ZFAND3: variants seen among roughly 807,000 people sequenced by gnomAD.
The protein encoded by ZFAND3 is AN1-type zinc finger protein 3.
A neutral mutation model predicts 29.6 loss-of-function variants in ZFAND3; 10 were observed. The ratio of observed to expected loss-of-function variants is 0.34; its 90% CI spans 0.21 to 0.57. The LOEUF is 0.57. Ranked by LOEUF, ZFAND3 falls within the 20% of genes least tolerant of loss-of-function variation. ZFAND3 has a pLI of 0.86. For missense variants in ZFAND3, 230 were observed against 304.5 expected (o/e 0.76, Z 1.82); for synonymous variants, 128 against 112.6 (o/e 1.14, Z -0.87).
At chr6:37,965,758 G>A (rs147143843) in intron 2 of ZFAND3, among the ~76,000 whole-genome samples, 173 of 152,208 alleles carry the variant, frequency 1.1e-3, no homozygotes, top group African/African-American at 4.0e-3. Context: ...CTGGCAGTGT[G>A]GCCAGAAGAA....
chr6:37,902,544 T>C (rs1765337834), intron 1 of ZFAND3, among the ~76,000 whole-genome samples: 1 of 152,218 alleles, frequency 6.6e-6, no homozygotes, highest in Admixed American at 6.5e-5. Flanking sequence ...TAGTAAAAAT[T>C]ATAAAAGAAA....
chr6:37,879,048 AG>A (rs1242794672), intron 1 of ZFAND3, among the ~76,000 whole-genome samples: 2 of 152,230 alleles, frequency 1.3e-5, no homozygotes, highest in East Asian at 3.8e-4. Context: ...TCAGAGGAAG[AG>A]CCCCTTATCC....
At chr6:37,855,514 G>A (rs35216205) in intron 1 of ZFAND3, among the ~76,000 whole-genome samples, 33,142 of 151,870 alleles carry the variant, frequency 0.22, 4,525 homozygotes, top group African/African-American at 0.38. Flanking sequence ...ATATTCTTTG[G>A]CAGAGGTTTG....
chr6:37,875,633 T>C (rs1165966219), intron 1 of ZFAND3, among the ~76,000 whole-genome samples: 1 of 139,290 alleles, frequency 7.2e-6, no homozygotes, highest in African/African-American at 3.1e-5. Flanking sequence ...TTAATTTCTG[T>C]ATTTTTTTTT....
intron 2 of ZFAND3, among the ~76,000 whole-genome samples, chr6:38,044,949 T>C (rs1763867123): frequency 6.6e-6 from 1 of 152,156 alleles, no homozygotes; most frequent in South Asian, 2.1e-4. Flanking sequence ...GATTTTTGTC[T>C]GTGGTTTTTC....
intron 2 of ZFAND3, among the ~76,000 whole-genome samples, chr6:37,988,290 A>G (rs897317860): frequency 5.9e-5 from 9 of 152,196 alleles, no homozygotes; most frequent in African/African-American, 1.9e-4. Context: ...ATGAACTTCA[A>G]TGCTGCTTTC....
chr6:38,142,279 G>T, intron 5 of ZFAND3: 1 of 471,550 alleles, frequency 2.1e-6, no homozygotes. Context: ...GGAGAGAGAT[G>T]TGTGGCATTT....
intron 2 of ZFAND3, among the ~76,000 whole-genome samples, chr6:38,019,082 C>T (rs1020376776): frequency 6.6e-6 from 1 of 152,102 alleles, no homozygotes; most frequent in Non-Finnish European, 1.5e-5. Flanking sequence ...GTCTCAGCCT[C>T]CCAAGTAGCT....
intron 5 of ZFAND3, among the ~76,000 whole-genome samples, chr6:38,133,211 GTC>G (rs1765775686): frequency 6.6e-6 from 1 of 152,188 alleles, no homozygotes; most frequent in Non-Finnish European, 1.5e-5. Flanking sequence ...TATTGAAATT[GTC>G]TGTTTACATG....
Position 37,974,403 on chromosome 6 carries a change from T to C in ZFAND3, c.112+44404T>C, listed in dbSNP as rs1443925878. On this transcript the variant is annotated intron_variant, in intron 2 of 5. Coordinates refer to ENST00000287218, the MANE Select transcript of ZFAND3 (RefSeq NM_021943.3). ...TATATACTCTCTCTCTCTCTCTCTCTTTTTTTTTTTTTTTTTTTGGAGACA... is the reference window on the plus strand; with the variant it reads ...TATATACTCTCTCTCTCTCTCTCTCCTTTTTTTTTTTTTTTTTTGGAGACA... 0.05 allele frequency among the ~76,000 whole-genome samples: 2,164 copies of C among 43,374 alleles called. 210 individuals are homozygous for C. In the East Asian group the frequency reaches 0.55, roughly 11 times the overall value. The allele number at this position is 43,374 out of a possible 152,430, so 28.5% of individuals were successfully genotyped here. A position where few individuals can be genotyped will look rare whatever the true frequency, so the allele number is the denominator to read the frequency against.
intron 1 of ZFAND3, among the ~76,000 whole-genome samples, chr6:37,911,375 T>G (rs1469171178): frequency 6.6e-6 from 1 of 152,196 alleles, no homozygotes; most frequent in African/African-American, 2.4e-5. Flanking sequence ...ATTTGACCAT[T>G]TAAAAAATTG....
At chr6:38,070,478 ACTG>A (rs987154889) in intron 3 of ZFAND3, among the ~76,000 whole-genome samples, 9 of 150,474 alleles carry the variant, frequency 6.0e-5, no homozygotes, top group Non-Finnish European at 5.9e-5. Flanking sequence ...TTGTTTTATA[ACTG>A]CTTTTTAACT....
chr6:38,071,237 A>G (rs755534006), intron 3 of ZFAND3, among the ~76,000 whole-genome samples: 35 of 151,896 alleles, frequency 2.3e-4, no homozygotes, highest in Admixed American at 1.2e-3. Flanking sequence ...TTAAACTTTA[A>G]GTCTGTTGGT....
At chr6:37,953,751 C>G (rs1357949354) in intron 2 of ZFAND3, among the ~76,000 whole-genome samples, 1 of 152,052 alleles carries the variant, frequency 6.6e-6, no homozygotes, top group Non-Finnish European at 1.5e-5. Flanking sequence ...CACCCCTGGA[C>G]TATAGTCAAT....
At chr6:37,860,720 G>A (rs1179780263) in intron 1 of ZFAND3, among the ~76,000 whole-genome samples, 1 of 149,104 alleles carries the variant, frequency 6.7e-6, no homozygotes, top group African/African-American at 2.5e-5. Context: ...GTTTGTGACG[G>A]CCACATCAGG....
At chr6:37,962,897 A>G (rs1395070283) in intron 2 of ZFAND3, among the ~76,000 whole-genome samples, 1 of 151,990 alleles carries the variant, frequency 6.6e-6, no homozygotes, top group Non-Finnish European at 1.5e-5. Context: ...CTGCGGCTTC[A>G]CTCCTGAAGT....
At chr6:38,010,381 A>G (rs1381086122) in intron 2 of ZFAND3, among the ~76,000 whole-genome samples, 3 of 152,150 alleles carry the variant, frequency 2.0e-5, no homozygotes, top group African/African-American at 7.2e-5. Flanking sequence ...TAATGAAATG[A>G]TGTTGAAGGA....
At chr6:37,902,622 T>A (rs563064494) in intron 1 of ZFAND3, among the ~76,000 whole-genome samples, 1 of 152,336 alleles carries the variant, frequency 6.6e-6, no homozygotes, top group South Asian at 2.1e-4. Context: ...CACATCTGTT[T>A]CCAATAGCTG....
chr6:37,957,363 T>C (rs980456702), intron 2 of ZFAND3, among the ~76,000 whole-genome samples: 1 of 152,020 alleles, frequency 6.6e-6, no homozygotes, highest in Non-Finnish European at 1.5e-5. Flanking sequence ...TGTGTAACCT[T>C]GGACAAGTGA....
Sources: allele counts gnomAD v4.1 joint callset (sites outside exome capture counted in the v4.1 genomes callset), GRCh38; gene constraint gnomAD v4.1.1; transcripts MANE v1.5; gene names NCBI Gene and HGNC (gene_info 2026-07-23, HGNC 2026-07-21).